Variants in CACNB4 observed in about 807,000 individuals in gnomAD.
CACNB4 encodes the protein calcium voltage-gated channel auxiliary subunit beta 4, also known as voltage-dependent L-type calcium channel subunit beta-4.
Under a neutral mutation model 71.2 loss-of-function variants are expected in CACNB4, and 32 were observed. That is an observed-to-expected ratio of 0.45 (90% CI 0.34 to 0.60). The LOEUF (loss-of-function observed/expected upper bound fraction) is 0.60. Among genes scored for constraint, CACNB4 ranks in the 20% least tolerant of loss-of-function variants. The pLI, the probability that CACNB4 is intolerant of heterozygous loss-of-function variation, is 0.01. For synonymous variants in CACNB4, 231 were observed against 236.9 expected, an observed-to-expected ratio of 0.97 and a Z score of 0.23; for missense variants, 464 against 647.9, an observed-to-expected ratio of 0.72 and a Z score of 3.08.
At position 151,993,775 on chromosome 2, in the gene CACNB4, G is replaced by A. The variant is rs1342212374; in HGVS notation, c.147+104555C>T. ...AGACGGGGTTTCACCATGTTGGTCA[G>A]GCTGGTCTCGAACTCCTGACCTTGT... On this transcript the variant is annotated intron_variant, in intron 2 of 13. Transcript: ENST00000539935. 4.6e-5 allele frequency among the ~76,000 whole-genome samples: 7 copies of A among 151,748 alleles called. No individual in the cohort carries two copies. In the East Asian group the frequency reaches 1.4e-3, roughly 30 times the overall value.
intron 2 of CACNB4, among the ~76,000 whole-genome samples, chr2:152,004,968 G>A (rs1682642760): frequency 6.6e-6 from 1 of 152,064 alleles, no homozygotes; most frequent in South Asian, 2.1e-4. Context: ...AAACCACAAT[G>A]AGACACCATC....
At chr2:151,931,806 T>C (rs997301209) in intron 2 of CACNB4, among the ~76,000 whole-genome samples, 16 of 152,314 alleles carry the variant, frequency 1.1e-4, no homozygotes, top group Admixed American at 2.0e-4. Context: ...CAACATTTCA[T>C]ACAGCTCAAA....
intron 2 of CACNB4, among the ~76,000 whole-genome samples, chr2:151,998,173 A>C (rs2001435): frequency 0.47 from 71,722 of 151,952 alleles, 20,050 homozygotes; most frequent in Non-Finnish European, 0.63. Context: ...AAATACAAAA[A>C]AATTAGCTGG....
chr2:152,001,516 C>T (rs113958085), intron 2 of CACNB4, among the ~76,000 whole-genome samples: 2,541 of 129,550 alleles, frequency 0.02, 32 homozygotes, highest in Middle Eastern at 0.033. Context: ...TGGTGAAACC[C>T]CATCTCTACT....
At chr2:152,061,538 G>A (rs1163097078) in intron 2 of CACNB4, among the ~76,000 whole-genome samples, 2 of 151,554 alleles carry the variant, frequency 1.3e-5, no homozygotes, top group Non-Finnish European at 2.9e-5. Context: ...AGTAAAAAGA[G>A]CATATTACAT....
chr2:151,996,958 A>C (rs1682080369), intron 2 of CACNB4, among the ~76,000 whole-genome samples: 1 of 152,190 alleles, frequency 6.6e-6, no homozygotes, highest in Non-Finnish European at 1.5e-5. Flanking sequence ...CCTAGTCCCT[A>C]GGGATGAGGT....
chr2:151,909,473 G>T (rs889648149), intron 2 of CACNB4, among the ~76,000 whole-genome samples: 3 of 149,716 alleles, frequency 2.0e-5, no homozygotes, highest in African/African-American at 7.4e-5. Flanking sequence ...CAAAAAATGG[G>T]ATACAAGTGC....
intron 2 of CACNB4, among the ~76,000 whole-genome samples, chr2:152,079,597 G>A (rs538269433): frequency 1.1e-4 from 17 of 151,818 alleles, no homozygotes; most frequent in South Asian, 4.2e-4. Flanking sequence ...ACCAGCCTGG[G>A]CAACATAGTG....
Position 152,076,023 on chromosome 2 carries a change from G to A in CACNB4, c.147+22307C>T, listed in dbSNP as rs188342674. Among the ~76,000 whole-genome samples the A allele has an allele frequency of 6.6e-5, 10 of 152,174 alleles. No homozygotes were observed. In the East Asian group the frequency reaches 1.5e-3, roughly 23 times the overall value. On this transcript the variant is annotated intron_variant, in intron 2 of 13. Transcript: ENST00000539935. ...CCTGTCACCTAATTCAGTGTGTGGG[G>A]TATGCATTTTGTCATAAGGTCTTTT...
At chr2:152,076,607 C>T (rs951670988) in intron 2 of CACNB4, among the ~76,000 whole-genome samples, 1 of 152,092 alleles carries the variant, frequency 6.6e-6, no homozygotes, top group Non-Finnish European at 1.5e-5. Flanking sequence ...CATCTCTAAG[C>T]CTTCTTTTCA....
At chr2:151,905,845 T>C (rs1337047268) in intron 2 of CACNB4, among the ~76,000 whole-genome samples, 1 of 152,222 alleles carries the variant, frequency 6.6e-6, no homozygotes, top group African/African-American at 2.4e-5. Context: ...AATTTCATAA[T>C]TAAACTTTTC....
chr2:152,073,898 G>C (rs1415596271), intron 2 of CACNB4, among the ~76,000 whole-genome samples: 1 of 152,162 alleles, frequency 6.6e-6, no homozygotes, highest in African/African-American at 2.4e-5. Flanking sequence ...GTGAAAAGCA[G>C]TGATGTAGGA....
intron 2 of CACNB4, among the ~76,000 whole-genome samples, chr2:152,039,090 C>T (rs1560153145): frequency 6.6e-6 from 1 of 152,112 alleles, no homozygotes; most frequent in Non-Finnish European, 1.5e-5. Flanking sequence ...TAAAAAAAAG[C>T]AAGAAACATA....
intron 2 of CACNB4, among the ~76,000 whole-genome samples, chr2:151,891,667 A>G (rs1011719128): frequency 3.3e-5 from 5 of 152,218 alleles, no homozygotes; most frequent in Non-Finnish European, 7.3e-5. Context: ...CTTCTGTGAG[A>G]CTAAGGAGTA....
At chr2:151,919,299 A>T in intron 2 of CACNB4, among the ~76,000 whole-genome samples, 1 of 152,146 alleles carries the variant, frequency 6.6e-6, no homozygotes, top group Non-Finnish European at 1.5e-5. Context: ...TGGCACAGTC[A>T]TAGCTCACTG....
At chr2:151,993,563 CTTT>C (rs70974814) in intron 2 of CACNB4, among the ~76,000 whole-genome samples, 18 of 116,660 alleles carry the variant, frequency 1.5e-4, no homozygotes, top group Admixed American at 1.7e-4. Flanking sequence ...TTGGGGAGCA[CTTT>C]TTTTTTTTTT....
At chr2:151,949,426 T>C (rs1338369150) in intron 2 of CACNB4, among the ~76,000 whole-genome samples, 1 of 152,128 alleles carries the variant, frequency 6.6e-6, no homozygotes, top group East Asian at 1.9e-4. Context: ...TAGGGAATTA[T>C]GAGAGGCTTC....
intron 2 of CACNB4, among the ~76,000 whole-genome samples, chr2:152,009,687 G>A (rs1231335570): frequency 6.6e-6 from 1 of 152,168 alleles, no homozygotes; most frequent in Non-Finnish European, 1.5e-5. Context: ...TTAATTTCCT[G>A]CAGTGCAATG....
intron 2 of CACNB4, among the ~76,000 whole-genome samples, chr2:152,071,751 T>C (rs1686705201): frequency 6.6e-6 from 1 of 152,240 alleles, no homozygotes; most frequent in Non-Finnish European, 1.5e-5. Context: ...ATGGTATCTT[T>C]AGTACCTTAT....
Sources: allele counts gnomAD v4.1 joint callset (sites outside exome capture counted in the v4.1 genomes callset), GRCh38; gene constraint gnomAD v4.1.1; transcripts MANE v1.5; gene names NCBI Gene and HGNC (gene_info 2026-07-23, HGNC 2026-07-21).